Variants in ADGRD1 observed in about 807,000 individuals in gnomAD.
ADGRD1 encodes the protein adhesion G protein-coupled receptor D1, also known as G-protein coupled receptor 133.
Under a neutral mutation model 113.4 loss-of-function variants are expected in ADGRD1, and 77 were observed. The ratio of observed to expected loss-of-function variants is 0.68; its 90% CI spans 0.57 to 0.82. The LOEUF (loss-of-function observed/expected upper bound fraction) is 0.82, where lower values mean the gene tolerates loss of function less well. Among genes scored for constraint, ADGRD1 ranks in the 40% least tolerant of loss-of-function variants. The pLI is 0.00. For missense variants in ADGRD1, 1,036 were observed against 1,139.1 expected, an observed-to-expected ratio of 0.91 and a Z score of 1.30; for synonymous variants, 474 against 475.0, an observed-to-expected ratio of 1.00 and a Z score of 0.03.
At chr12:131,111,211 C>A (rs550945020) in intron 18 of ADGRD1, among the ~76,000 whole-genome samples, 52 of 152,222 alleles carry the variant, frequency 3.4e-4, no homozygotes, top group African/African-American at 1.1e-3. Context: ...TTCCACCTCA[C>A]CCTCTTGAGT....
At chr12:131,090,828 G>A (rs1291980897) in intron 15 of ADGRD1, among the ~76,000 whole-genome samples, 1 of 152,208 alleles carries the variant, frequency 6.6e-6, no homozygotes, top group Non-Finnish European at 1.5e-5. Context: ...GAATCTGTGG[G>A]CAAAGGGCAC....
In ADGRD1 at chr12:131,032,479, C is replaced by T. The variant is rs1009730235; in HGVS notation, c.1473+18139C>T. 5.3e-5 allele frequency among the ~76,000 whole-genome samples: 8 copies of T among 152,060 alleles called. No homozygotes were observed. In the South Asian group the frequency reaches 8.3e-4, roughly 16 times the overall value. On this transcript the variant is annotated intron_variant, in intron 13 of 24. Coordinates refer to ENST00000261654, the MANE Select transcript of ADGRD1 (RefSeq NM_198827.5). ...CCCCACCGCTGTGTGGCCTTTTCCC[C>T]GAGTGTTCTTGCTGCAGGCCCGGGT...
chr12:131,018,464 C>T (rs1195917), intron 13 of ADGRD1, among the ~76,000 whole-genome samples: 1 of 151,564 alleles, frequency 6.6e-6, no homozygotes, highest in African/African-American at 2.4e-5. Context: ...AGAGGGTCCA[C>T]CAGTGAGACA....
At chr12:131,124,147 C>T (rs775247301) in intron 20 of ADGRD1, among the ~76,000 whole-genome samples, 3 of 152,216 alleles carry the variant, frequency 2.0e-5, no homozygotes, top group Non-Finnish European at 4.4e-5. Flanking sequence ...GTCCCTCTCA[C>T]GTCTTCAGAG....
At chr12:131,068,709 C>G (rs1884918167) in intron 13 of ADGRD1, among the ~76,000 whole-genome samples, 1 of 152,138 alleles carries the variant, frequency 6.6e-6, no homozygotes, top group African/African-American at 2.4e-5. Flanking sequence ...CCAGCTATAA[C>G]AAAATAAATA....
intron 12 of ADGRD1, among the ~76,000 whole-genome samples, chr12:131,010,126 A>C (rs183005826): frequency 3.3e-5 from 5 of 152,346 alleles, no homozygotes; most frequent in African/African-American, 1.2e-4. Flanking sequence ...TGTTTGCGTC[A>C]GTCAGGGGCT....
intron 5 of ADGRD1, among the ~76,000 whole-genome samples, chr12:130,983,830 C>T (rs566842679): frequency 1.3e-5 from 2 of 152,256 alleles, no homozygotes; most frequent in East Asian, 3.9e-4. Context: ...AAAAGGGCTG[C>T]CCTGTTCCTT....
Position 131,096,405 on chromosome 12 carries a change from C to T in ADGRD1, c.1672-8426C>T, listed in dbSNP as rs1424660936. The stretch of plus-strand genomic sequence containing the variant: ...GAGACTAGAGGTGTGCACCACCATG[C>T]CTGGCAAGATAGCACACTTTAAAAA... On this transcript the variant is annotated intron_variant, in intron 15 of 24. Coordinates refer to ENST00000261654, the MANE Select transcript of ADGRD1 (RefSeq NM_198827.5). The surrounding 1 kb of genome is among the most constrained non-coding windows in gnomAD (Gnocchi z 5.2). Among the ~76,000 whole-genome samples the T allele has an allele frequency of 6.6e-6, 1 of 152,138 alleles. No homozygotes were observed. Among genetic ancestry groups the T allele is most frequent in the Non-Finnish European group, 1.5e-5 (1 of 68,028 alleles).
chr12:131,049,739 T>C (rs1363552547), intron 13 of ADGRD1, among the ~76,000 whole-genome samples: 1 of 152,018 alleles, frequency 6.6e-6, no homozygotes, highest in Non-Finnish European at 1.5e-5. Context: ...GAGGGCAGGT[T>C]TGGGGCCGGG....
At position 131,104,799 on chromosome 12, in the gene ADGRD1, T is replaced by A. The variant is rs759656144; in HGVS notation, c.1672-32T>A. 10 of 1,491,632 alleles carry A rather than the reference T, an allele frequency of 6.7e-6. No individual in the cohort carries two copies. The South Asian group carries it at 1.2e-4, about 18-fold the overall frequency. 92.4% of individuals were successfully genotyped at this position (1,491,632 alleles called of 1,614,324 possible). A position where few individuals can be genotyped will look rare whatever the true frequency, so the allele number is the denominator to read the frequency against. ...CAGGCTCCGATGGGGTGCCTGGGCC[T>A]GCTGCTGACGCCTCTGCTCTGCTCC... On this transcript the variant is annotated intron_variant, in intron 15 of 24. Coordinates refer to ENST00000261654, the MANE Select transcript of ADGRD1 (RefSeq NM_198827.5).
In ADGRD1 at chr12:131,084,689, G is replaced by A. The variant is rs2293656; in HGVS notation, c.1671+26G>A. The A allele has an allele frequency of 0.28, 449,163 of 1,610,994 alleles. 64,998 individuals are homozygous for A. The highest frequency in any genetic ancestry group is 0.36 in the African/African-American group (27,119 of 74,898). The stretch of plus-strand genomic sequence containing the variant: ...GTAAGAGCCAGGCCTCAGGGGTCGC[G>A]GGACCTGGGGGACGTACCATGAGGC... On this transcript the variant is annotated intron_variant, in intron 15 of 24. Coordinates refer to ENST00000261654, the MANE Select transcript of ADGRD1 (RefSeq NM_198827.5). The surrounding 1 kb of genome is among the most constrained non-coding windows in gnomAD (Gnocchi z 4.5).
intron 11 of ADGRD1, 92 bp downstream of exon 11, chr12:131,004,388 G>T (rs1876821960): frequency 3.1e-6 from 3 of 957,468 alleles, no homozygotes; most frequent in Non-Finnish European, 4.9e-6. Context: ...CACCGCGCCA[G>T]GGAGCTGCGG....
rs370702886 is a variant in ADGRD1 at position 131,049,351 on chromosome 12, G to A, written c.1474-27450G>A. Among the ~76,000 whole-genome samples the A allele has an allele frequency of 1.2e-4, 18 of 152,212 alleles. 1 individual carries two copies. Among genetic ancestry groups the A allele is most frequent in the Non-Finnish European group, 7.4e-5 (5 of 67,990 alleles). ...CCCGTCCTCTGCTCCTCTCACTCCCGCCCCACCTGTGTGCCTCCTGCACAC... is the reference window on the plus strand; with the variant it reads ...CCCGTCCTCTGCTCCTCTCACTCCCACCCCACCTGTGTGCCTCCTGCACAC... On this transcript the variant is annotated intron_variant, in intron 13 of 24. Transcript: ENST00000261654.
chr12:130,954,721 A>C lies in ADGRD1; in HGVS notation c.103+61A>C, dbSNP rs1869315505. 6.1e-4 allele frequency: 901 copies of C among 1,471,580 alleles called. No individual in the cohort carries two copies. Among genetic ancestry groups the C allele is most frequent in the Non-Finnish European group, 8.0e-4 (843 of 1,051,688 alleles). 91.2% of individuals were successfully genotyped at this position (1,471,580 alleles called of 1,614,324 possible). Reference sequence around the variant, plus strand: ...TCCCCCTGCCTAGTGCAGGTATCTCAGGAACAGCCCACTTGTTCATCTCTG... The same window carrying C: ...TCCCCCTGCCTAGTGCAGGTATCTCCGGAACAGCCCACTTGTTCATCTCTG... On this transcript the variant is annotated intron_variant, in intron 2 of 24. Coordinates refer to ENST00000261654, the MANE Select transcript of ADGRD1 (RefSeq NM_198827.5). The surrounding 1 kb of genome is among the most constrained non-coding windows in gnomAD (Gnocchi z 4.7).
chr12:131,123,039 G>GTTTTTTTTTTTTTTTTTTTTTTTTTT (rs552353187), intron 20 of ADGRD1, among the ~76,000 whole-genome samples: 13 of 51,368 alleles, frequency 2.5e-4, no homozygotes, highest in Non-Finnish European at 3.2e-4. Context: ...TACCTGGGGA[G>GTTTTTTTTTTTTTTTTTTTTTTTTTT]TTTTTTTTTT....
chr12:130,960,701 T>A (rs1315647991), intron 2 of ADGRD1, among the ~76,000 whole-genome samples: 1 of 152,000 alleles, frequency 6.6e-6, no homozygotes, highest in Non-Finnish European at 1.5e-5. Context: ...CCTGGGCCCC[T>A]TGTCTTAGAC....
At chr12:131,018,750 A>G (rs997286022) in intron 13 of ADGRD1, among the ~76,000 whole-genome samples, 2 of 152,266 alleles carry the variant, frequency 1.3e-5, no homozygotes, top group Admixed American at 1.3e-4. Flanking sequence ...CGTTTCTGTT[A>G]GCAGAGGTGT....
In ADGRD1 at chr12:131,038,534, C is replaced by T. The variant is rs3897125; in HGVS notation, c.1473+24194C>T. On this transcript the variant is annotated intron_variant, in intron 13 of 24. Transcript: ENST00000261654. ...GACTGGGGCCAGACAACAGAGGGGC[C>T]GATACTACAGTCGGGGGGCAGACAT... Among the ~76,000 whole-genome samples the T allele has an allele frequency of 6.5e-3, 996 of 152,326 alleles. 12 individuals carry two copies. Among genetic ancestry groups the T allele is most frequent in the African/African-American group, 0.023 (945 of 41,568 alleles).
chr12:130,981,334 T>A (rs1872968375), intron 4 of ADGRD1: 1 of 152,270 alleles, frequency 6.6e-6, no homozygotes, highest in Non-Finnish European at 1.5e-5. Context: ...AGTGTATTTA[T>A]GGACATCGGA....
Sources: gnomAD v4.1 joint callset for allele counts (sites outside exome capture counted in the v4.1 genomes callset) on GRCh38, gnomAD v4.1.1 for gene constraint, Gnocchi (gnomAD v3.1) non-coding constraint, MANE v1.5 for transcripts, NCBI Gene and HGNC (gene_info 2026-07-23, HGNC 2026-07-21) for gene names.